The following EHBP1 variants were observed in gnomAD, a reference collection of about 807,000 sequenced individuals.
EHBP1 encodes EH domain-binding protein 1.
Under a neutral mutation model 144.0 loss-of-function variants are expected in EHBP1, and 55 were observed. The ratio of observed to expected loss-of-function variants is 0.38; its 90% CI spans 0.31 to 0.48. The LOEUF is 0.48. EHBP1 is among the 20% of genes least tolerant of loss of function. The pLI, the probability that EHBP1 is intolerant of heterozygous loss-of-function variation, is 0.98. For missense variants in EHBP1, 1,200 were observed against 1,364.2 expected, an observed-to-expected ratio of 0.88 and a Z score of 1.90; for synonymous variants, 469 against 472.7, an observed-to-expected ratio of 0.99 and a Z score of 0.10.
Position 62,923,213 on chromosome 2 carries a change from C to A in EHBP1, c.1186-19505C>A, listed in dbSNP as rs2055223680. On this transcript the variant is annotated intron_variant, in intron 10 of 22. Coordinates refer to ENST00000431489, the MANE Select transcript of EHBP1 (RefSeq NM_001142616.3). ...AACCTCAGCAATACAAAATCTGGACCCAAGATTGGCTATGACATTGGTCCT... is the reference window on the plus strand; with the variant it reads ...AACCTCAGCAATACAAAATCTGGACACAAGATTGGCTATGACATTGGTCCT... Among the ~76,000 whole-genome samples, 5 of 152,292 alleles carry A rather than the reference C, an allele frequency of 3.3e-5. No individual in the cohort carries two copies. In the South Asian group the frequency reaches 1.0e-3, roughly 32 times the overall value.
intron 16 of EHBP1, 120 bp from the exon 17 acceptor site, chr2:62,993,410 T>C (rs1345334680): frequency 1.1e-6 from 1 of 941,918 alleles, no homozygotes; most frequent in East Asian, 2.9e-5. Flanking sequence ...TTTAAAATCC[T>C]TTTCTTGCAA....
In EHBP1 at chr2:62,739,679, A is replaced by G. The variant is rs367906374; in HGVS notation, c.105-7716A>G. ...AAAATTAGGCCTTGTGTGGTAGTGC[A>G]TGCCTGTGATTCCAACACTTTGGGA... On this transcript the variant is annotated intron_variant, in intron 2 of 22. Coordinates refer to ENST00000431489, the MANE Select transcript of EHBP1 (RefSeq NM_001142616.3). Among the ~76,000 whole-genome samples the G allele has an allele frequency of 6.6e-5, 10 of 152,250 alleles. No individual in the cohort carries two copies. The South Asian group carries it at 1.0e-3, about 16-fold the overall frequency.
intron 5 of EHBP1, among the ~76,000 whole-genome samples, chr2:62,776,867 A>T (rs1372653665): frequency 6.6e-6 from 1 of 152,204 alleles, no homozygotes; most frequent in Non-Finnish European, 1.5e-5. Flanking sequence ...ATATGAAGCC[A>T]CAACAGTTAT....
chr2:62,972,934 G>A (rs2058560902), intron 14 of EHBP1, among the ~76,000 whole-genome samples: 1 of 152,008 alleles, frequency 6.6e-6, no homozygotes, highest in Admixed American at 6.6e-5. Context: ...GTCCCATTAG[G>A]GCTACATTCT....
rs140408621 is a variant in EHBP1 at position 62,904,759 on chromosome 2, A to G, written c.1185+30227A>G. ...CTCCCAGACTGCCAAAGCAAAGACT[A>G]TTACTCTAACTTTTTGTTTTTGTTT... On this transcript the variant is annotated intron_variant, in intron 10 of 22. Coordinates refer to ENST00000431489, the MANE Select transcript of EHBP1 (RefSeq NM_001142616.3). Among the ~76,000 whole-genome samples, 72 of 152,254 alleles carry G rather than the reference A, an allele frequency of 4.7e-4. 1 individual carries two copies. Among genetic ancestry groups the G allele is most frequent in the African/African-American group, 1.6e-3 (65 of 41,560 alleles).
intron 5 of EHBP1, 26 bp downstream of exon 5, chr2:62,771,418 C>T (rs373948377): frequency 6.4e-7 from 1 of 1,552,150 alleles, no homozygotes; most frequent in Non-Finnish European, 8.7e-7. Flanking sequence ...ATTCCTTCAC[C>T]TTTCACATTT....
intron 2 of EHBP1, among the ~76,000 whole-genome samples, chr2:62,742,411 A>G (rs1331160050): frequency 6.6e-6 from 1 of 152,212 alleles, no homozygotes; most frequent in East Asian, 1.9e-4. Flanking sequence ...CTACTTTTAT[A>G]AATTCATATC....
intron 4 of EHBP1, among the ~76,000 whole-genome samples, chr2:62,768,981 C>T (rs574729121): frequency 6.6e-6 from 1 of 152,300 alleles, no homozygotes; most frequent in South Asian, 2.1e-4. Flanking sequence ...GTGTTAAAGA[C>T]TCTCAAAACT....
chr2:63,038,906 C>G, intron 21 of EHBP1, 90 bp downstream of exon 21: 2 of 1,281,246 alleles, frequency 1.6e-6, no homozygotes, highest in Non-Finnish European at 2.3e-6. Context: ...CTTACTAGAT[C>G]TGGTGTACTA....
At chr2:62,773,724 G>A (rs554339449) in intron 5 of EHBP1, among the ~76,000 whole-genome samples, 50 of 151,296 alleles carry the variant, frequency 3.3e-4, no homozygotes, top group Admixed American at 1.4e-3. Context: ...GGTGGCGTGC[G>A]CCTGTAATCC....
chr2:62,858,520 C>G, intron 7 of EHBP1: 1 of 1,567,410 alleles, frequency 6.4e-7, no homozygotes, highest in Non-Finnish European at 8.8e-7. Flanking sequence ...GGTCTAAGAG[C>G]TTTCCTCCTT....
intron 10 of EHBP1, among the ~76,000 whole-genome samples, chr2:62,898,587 A>G (rs2053135714): frequency 6.6e-6 from 1 of 152,124 alleles, no homozygotes. Flanking sequence ...TGAGTACCCT[A>G]TATAAACCAC....
intron 19 of EHBP1, among the ~76,000 whole-genome samples, chr2:63,020,323 CAAAAAAA>C (rs1001418542): frequency 5.3e-4 from 24 of 45,258 alleles, no homozygotes; most frequent in South Asian, 7.7e-4. Flanking sequence ...GACTCTGTCT[CAAAAAAA>C]AAAAAAAAAA....
chr2:63,020,771 C>T (rs868570294), intron 19 of EHBP1, among the ~76,000 whole-genome samples: 1 of 151,748 alleles, frequency 6.6e-6, no homozygotes, highest in African/African-American at 2.4e-5. Context: ...ATTTGCCTCC[C>T]AGGTTCAAGC....
chr2:62,855,905 C>T (rs977645335), intron 7 of EHBP1, among the ~76,000 whole-genome samples: 5 of 152,156 alleles, frequency 3.3e-5, no homozygotes, highest in African/African-American at 1.2e-4. Flanking sequence ...GCAAGCCACT[C>T]CACGGTCTCT....
At chr2:62,954,098 A>C (rs2153107085) in intron 13 of EHBP1, among the ~76,000 whole-genome samples, 1 of 152,242 alleles carries the variant, frequency 6.6e-6, no homozygotes, top group Admixed American at 6.5e-5. Flanking sequence ...TTATTTTATA[A>C]ATGAGGAAAC....
chr2:62,823,325 G>A (rs1233647964), intron 5 of EHBP1, among the ~76,000 whole-genome samples: 1 of 152,052 alleles, frequency 6.6e-6, no homozygotes, highest in Non-Finnish European at 1.5e-5. Context: ...ACTCACTTTT[G>A]TATTGACTCT....
At chr2:62,841,081 G>C (rs2047800018) in intron 7 of EHBP1, among the ~76,000 whole-genome samples, 1 of 152,052 alleles carries the variant, frequency 6.6e-6, no homozygotes, top group African/African-American at 2.4e-5. Flanking sequence ...CAAAGACTTG[G>C]AACCAAGCCA....
At chr2:62,784,458 T>G (rs1431881533) in intron 5 of EHBP1, among the ~76,000 whole-genome samples, 1 of 152,166 alleles carries the variant, frequency 6.6e-6, no homozygotes, top group Non-Finnish European at 1.5e-5. Flanking sequence ...CTCAATCTAG[T>G]CAGAGAGGCA....
Sources: allele counts gnomAD v4.1 joint callset (sites outside exome capture counted in the v4.1 genomes callset), GRCh38; gene constraint gnomAD v4.1.1; transcripts MANE v1.5; gene names NCBI Gene and HGNC (gene_info 2026-07-23, HGNC 2026-07-21).